PATJ: variants seen among roughly 807,000 people sequenced by gnomAD.
The protein encoded by PATJ is PATJ crumbs cell polarity complex component.
Under a neutral mutation model 224.9 loss-of-function variants are expected in PATJ, and 190 were observed. The ratio of observed to expected loss-of-function variants is 0.84; its 90% CI spans 0.75 to 0.95. The LOEUF (loss-of-function observed/expected upper bound fraction) is 0.95. Among genes scored for constraint, PATJ ranks in the 40% least tolerant of loss-of-function variants. The pLI is 0.00. For missense variants in PATJ, 2,121 were observed against 2,270.3 expected, an observed-to-expected ratio of 0.93 and a Z score of 1.34; for synonymous variants, 769 against 820.3, an observed-to-expected ratio of 0.94 and a Z score of 1.07.
At chr1:61,953,717 CT>C (rs1364806221) in intron 27 of PATJ, among the ~76,000 whole-genome samples, 28 of 152,156 alleles carry the variant, frequency 1.8e-4, no homozygotes, top group Non-Finnish European at 2.9e-5. Context: ...TGGATCCTGC[CT>C]GCTTTTCCTC....
At chr1:61,933,489 C>T (rs1421569678) in intron 27 of PATJ, among the ~76,000 whole-genome samples, 6 of 149,016 alleles carry the variant, frequency 4.0e-5, no homozygotes, top group South Asian at 4.2e-4. Flanking sequence ...TGCAGTGAGC[C>T]GAGATCGTGC....
chr1:62,147,939 G>A (rs1668219234), intron 41 of PATJ, among the ~76,000 whole-genome samples: 1 of 151,524 alleles, frequency 6.6e-6, no homozygotes, highest in African/African-American at 2.4e-5. Context: ...CTCCAGCCTG[G>A]GTGACAAGAG....
chr1:62,084,024 C>T (rs973536733), intron 32 of PATJ, among the ~76,000 whole-genome samples: 1 of 152,054 alleles, frequency 6.6e-6, no homozygotes, highest in Admixed American at 6.6e-5. Flanking sequence ...GAGGCCAAGG[C>T]GGGCGGATCA....
intron 27 of PATJ, among the ~76,000 whole-genome samples, chr1:61,941,018 T>G (rs1196116290): frequency 1.3e-5 from 2 of 152,156 alleles, no homozygotes; most frequent in African/African-American, 2.4e-5. Flanking sequence ...CTCTTTATTT[T>G]CCCTGGATCA....
intron 20 of PATJ, among the ~76,000 whole-genome samples, chr1:61,870,856 G>T (rs75905643): frequency 0.015 from 2,317 of 152,184 alleles, 75 homozygotes; most frequent in East Asian, 0.14. Context: ...AAAGCACAAG[G>T]TTTCAAATTT....
At chr1:62,159,976 C>T (rs1050313851) in intron 43 of PATJ, among the ~76,000 whole-genome samples, 1 of 152,126 alleles carries the variant, frequency 6.6e-6, no homozygotes, top group Non-Finnish European at 1.5e-5. Context: ...AGCGTTAGTG[C>T]CTCCTAGCTC....
chr1:62,049,587 C>G (rs1013508662), intron 30 of PATJ, among the ~76,000 whole-genome samples: 4 of 152,148 alleles, frequency 2.6e-5, no homozygotes, highest in Non-Finnish European at 4.4e-5. Flanking sequence ...TCATCCTTAT[C>G]CTTCCTTATA....
chr1:61,855,257 G>C (rs1251854308), intron 17 of PATJ, among the ~76,000 whole-genome samples: 1 of 152,120 alleles, frequency 6.6e-6, no homozygotes, highest in African/African-American at 2.4e-5. Flanking sequence ...TTGCCCAGCT[G>C]TTCCCAGACC....
intron 37 of PATJ, 103 bp from the exon 38 acceptor site, chr1:62,121,078 A>T: frequency 1.4e-6 from 1 of 694,618 alleles, no homozygotes; most frequent in Non-Finnish European, 2.4e-6. Context: ...TTTCTGTTAG[A>T]TGGTTATGGT....
In PATJ at chr1:62,086,892, G is replaced by A. The variant is rs537328554; in HGVS notation, c.4377+2244G>A. ...GGAGCAGGCTCTGTGGGGTCCCCTCGGCCAGACCAGGTAGGGGTGCCTGCG... is the reference window on the plus strand; with the variant it reads ...GGAGCAGGCTCTGTGGGGTCCCCTCAGCCAGACCAGGTAGGGGTGCCTGCG... On this transcript the variant is annotated intron_variant, in intron 33 of 43. Transcript: ENST00000642238. The surrounding 1 kb of genome is among the most constrained non-coding windows in gnomAD (Gnocchi z 4.0). 6.6e-5 allele frequency among the ~76,000 whole-genome samples: 10 copies of A among 152,182 alleles called. No homozygotes were observed. Among genetic ancestry groups the A allele is most frequent in the Admixed American group, 2.6e-4 (4 of 15,294 alleles).
chr1:61,855,274 G>T (rs990604147), intron 17 of PATJ, among the ~76,000 whole-genome samples: 2 of 152,066 alleles, frequency 1.3e-5, no homozygotes, highest in African/African-American at 4.8e-5. Context: ...GACCTCGTAT[G>T]GTCCAGCCAA....
intron 12 of PATJ, 126 bp from the exon 13 acceptor site, chr1:61,805,322 C>G: frequency 1.6e-6 from 1 of 623,008 alleles, no homozygotes; most frequent in Non-Finnish European, 2.8e-6. Flanking sequence ...ATGCATTTTC[C>G]TTTTTATTCA....
intron 30 of PATJ, among the ~76,000 whole-genome samples, chr1:62,049,286 ATT>A (rs71050195): frequency 2.4e-5 from 3 of 126,488 alleles, no homozygotes; most frequent in Non-Finnish European, 5.4e-5. Context: ...CACACAGAGT[ATT>A]TTTTTTTCTG....
At chr1:61,931,945 TATTA>T (rs1451163159) in intron 27 of PATJ, among the ~76,000 whole-genome samples, 11 of 152,230 alleles carry the variant, frequency 7.2e-5, no homozygotes, top group Admixed American at 5.9e-4. Context: ...TTTCATGAAA[TATTA>T]CTTACCTTTA....
chr1:62,114,254 C>T lies in PATJ; in HGVS notation c.4655+8C>T, dbSNP rs113490890. 1.1e-3 allele frequency: 1,815 copies of T among 1,612,854 alleles called. 23 individuals are homozygous for T. The African/African-American group carries it at 0.021, about 19-fold the overall frequency. ...GAGCATCGTTGGGAAACGGTAAAGA[C>T]GTGCTGTGGGAGTTGGGATCTGCCT... On this transcript the variant is annotated splice_region_variant and intron_variant, in intron 35 of 43. Transcript: ENST00000642238.
intron 27 of PATJ, among the ~76,000 whole-genome samples, chr1:61,955,551 C>G (rs1680323599): frequency 6.6e-6 from 1 of 152,130 alleles, no homozygotes; most frequent in Non-Finnish European, 1.5e-5. Flanking sequence ...AGTTCTAAAA[C>G]TTTAAGTTCA....
chr1:61,855,174 C>T (rs574951152), intron 17 of PATJ, among the ~76,000 whole-genome samples: 10 of 152,202 alleles, frequency 6.6e-5, no homozygotes, highest in Non-Finnish European at 8.8e-5. Context: ...AGCTTACTTA[C>T]GGCTCTAGAG....
intron 20 of PATJ, among the ~76,000 whole-genome samples, chr1:61,873,711 G>T (rs1332761763): frequency 2.6e-5 from 4 of 152,212 alleles, no homozygotes; most frequent in African/African-American, 9.7e-5. Flanking sequence ...GGTCCCTGGA[G>T]AATCTCTGAC....
chr1:61,924,652 CTT>C (rs1050117440), intron 26 of PATJ, among the ~76,000 whole-genome samples: 1 of 152,072 alleles, frequency 6.6e-6, no homozygotes, highest in African/African-American at 2.4e-5. Context: ...ATAATGCTCA[CTT>C]ATATAAACCA....
Sources: allele counts gnomAD v4.1 joint callset (sites outside exome capture counted in the v4.1 genomes callset), GRCh38; gene constraint gnomAD v4.1.1; non-coding constraint Gnocchi (gnomAD v3.1); transcripts MANE v1.5; gene names NCBI Gene and HGNC (gene_info 2026-07-23, HGNC 2026-07-21).